Variants in SLC28A1 observed in about 807,000 individuals in gnomAD.
SLC28A1 encodes solute carrier family 28 member 1, also known as sodium/nucleoside cotransporter 1.
A neutral mutation model predicts 74.8 loss-of-function variants in SLC28A1; 64 were observed. That is an observed-to-expected ratio of 0.86 (90% CI 0.70 to 1.05). The LOEUF (loss-of-function observed/expected upper bound fraction) is 1.05, where lower values mean the gene tolerates loss of function less well. SLC28A1 is among the 50% of genes least tolerant of loss of function. The probability of loss-of-function intolerance (pLI) is 0.00; values close to 1 mark genes in which losing one functional copy is unlikely to be tolerated. For synonymous variants in SLC28A1, 359 were observed against 335.0 expected (o/e 1.07, Z -0.78); for missense variants, 828 against 822.8 (o/e 1.01, Z -0.08).
At chr15:84,912,418 G>C (rs897065676) in intron 9 of SLC28A1, among the ~76,000 whole-genome samples, 4 of 152,102 alleles carry the variant, frequency 2.6e-5, no homozygotes, top group Admixed American at 6.6e-5. Context: ...GCTCTCTTCT[G>C]GGGGGAAGTA....
At chr15:84,894,076 A>C (rs2141676335) in intron 5 of SLC28A1, among the ~76,000 whole-genome samples, 1 of 152,292 alleles carries the variant, frequency 6.6e-6, no homozygotes, top group Middle Eastern at 3.4e-3. Context: ...TCTGAAATTC[A>C]AAAGCCAGGG....
the SLC28A1 span, among the ~76,000 whole-genome samples, chr15:84,956,442 C>T: frequency 1.9e-3 from 241 of 124,464 alleles, no homozygotes; most frequent in Non-Finnish European, 2.6e-3. Context: ...TTCCTTCCTT[C>T]CTTTCTTTCT....
intron 15 of SLC28A1, among the ~76,000 whole-genome samples, chr15:84,941,828 A>G (rs1385541287): frequency 6.6e-6 from 1 of 152,176 alleles, no homozygotes; most frequent in Non-Finnish European, 1.5e-5. Flanking sequence ...AAAGGAAAGA[A>G]AGAAAAAGAA....
intron 9 of SLC28A1, among the ~76,000 whole-genome samples, chr15:84,915,278 A>T (rs1968926031): frequency 6.6e-6 from 1 of 152,294 alleles, no homozygotes; most frequent in Admixed American, 6.5e-5. Context: ...GCAAGTCCAG[A>T]TACAACCTGC....
chr15:84,931,524 C>T (rs557075030), intron 12 of SLC28A1, among the ~76,000 whole-genome samples: 15 of 149,984 alleles, frequency 1.0e-4, no homozygotes, highest in Admixed American at 4.0e-4. Flanking sequence ...TGGTGGTGGG[C>T]GCCTGTAGTC....
intron 9 of SLC28A1, among the ~76,000 whole-genome samples, chr15:84,911,535 A>C (rs1363771832): frequency 2.0e-5 from 3 of 152,144 alleles, no homozygotes; most frequent in African/African-American, 7.2e-5. Flanking sequence ...AAATACAAAA[A>C]GCACTCTGAA....
the SLC28A1 span, among the ~76,000 whole-genome samples, chr15:84,967,799 C>T: frequency 6.6e-6 from 1 of 152,150 alleles, no homozygotes; most frequent in Non-Finnish European, 1.5e-5. Flanking sequence ...GAAATACTGG[C>T]TTCAGGTGCA....
intron 9 of SLC28A1, among the ~76,000 whole-genome samples, chr15:84,910,690 T>C (rs1267412998): frequency 5.3e-5 from 8 of 152,248 alleles, no homozygotes; most frequent in Middle Eastern, 6.8e-3. Context: ...ATCATGCCAT[T>C]GCACTCCAGC....
chr15:84,933,379 G>T lies in SLC28A1; in HGVS notation c.1214+104G>T, dbSNP rs1971534050. 6.5e-6 allele frequency: 9 copies of T among 1,394,788 alleles called. No homozygotes were observed. The East Asian group carries it at 2.3e-4, about 36-fold the overall frequency. The allele number at this position is 1,394,788 out of a possible 1,614,324, so 86.4% of individuals were successfully genotyped here. A position where few individuals can be genotyped will look rare whatever the true frequency, so the allele number is the denominator to read the frequency against. Reference sequence around the variant, plus strand: ...GTCCATCACTGTCTTCCACTAGCCTGGGCCCATCTCTCCACTTTTCCTGCT... The same window carrying T: ...GTCCATCACTGTCTTCCACTAGCCTTGGCCCATCTCTCCACTTTTCCTGCT... On this transcript the variant is annotated intron_variant, in intron 13 of 18. Coordinates refer to ENST00000394573, the MANE Select transcript of SLC28A1 (RefSeq NM_004213.5).
At chr15:84,916,952 C>A (rs1052473734) in intron 9 of SLC28A1, among the ~76,000 whole-genome samples, 1 of 148,636 alleles carries the variant, frequency 6.7e-6, no homozygotes, top group Non-Finnish European at 1.5e-5. Context: ...CACTTGAACC[C>A]AGGAGGCGGA....
At chr15:84,924,916 T>C (rs1161420980) in intron 12 of SLC28A1, among the ~76,000 whole-genome samples, 3 of 150,554 alleles carry the variant, frequency 2.0e-5, no homozygotes, top group Non-Finnish European at 4.4e-5. Context: ...GTTTGTTTGT[T>C]TTTGAGACGG....
downstream of SLC28A1, among the ~76,000 whole-genome samples, chr15:84,949,854 C>G (rs1315481289): frequency 6.9e-6 from 1 of 144,406 alleles, no homozygotes; most frequent in African/African-American, 2.6e-5. Context: ...AAGGCACTAT[C>G]TCTAGGACAC....
chr15:84,969,534 CCG>C, the SLC28A1 span, among the ~76,000 whole-genome samples: 1 of 151,892 alleles, frequency 6.6e-6, no homozygotes, highest in Non-Finnish European at 1.5e-5. Flanking sequence ...ACCCTGCCCC[CCG>C]ACTCGGACTT....
intron 13 of SLC28A1, among the ~76,000 whole-genome samples, chr15:84,933,660 C>A (rs1322940832): frequency 6.6e-6 from 1 of 152,058 alleles, no homozygotes; most frequent in Non-Finnish European, 1.5e-5. Context: ...TAGCTCAGAT[C>A]TCTCTTCTTC....
At chr15:84,952,319 C>T in the SLC28A1 span, among the ~76,000 whole-genome samples, 1 of 152,162 alleles carries the variant, frequency 6.6e-6, no homozygotes, top group South Asian at 2.1e-4. Flanking sequence ...CCTATCTTTC[C>T]AAGGTGGGAC....
Position 84,920,993 on chromosome 15 carries a change from C to A in SLC28A1, c.881C>A (p.Ala294Asp). 6.2e-7 allele frequency: 1 copy of A among 1,613,316 alleles called. No individual in the cohort carries two copies. The highest frequency in any genetic ancestry group is 8.5e-7 in the Non-Finnish European group (1 of 1,179,306). Residue 294 changes from alanine to aspartate, a missense_variant, in exon 11 of 19, where the codon GCC (alanine) becomes GAC (aspartate). By Grantham distance (126) the Ala-to-Asp change is moderately radical. Coordinates refer to ENST00000394573, the MANE Select transcript of SLC28A1 (RefSeq NM_004213.5). ...GLMQWVILKI[A>D]WLMQVTMGTT... The stretch of plus-strand genomic sequence containing the variant: ...GAACATTCTGCTTCCTTCTAGATTG[C>A]CTGGCTGATGCAAGTCACCATGGGC...
intron 8 of SLC28A1, among the ~76,000 whole-genome samples, chr15:84,906,692 C>T (rs1297806767): frequency 2.0e-5 from 3 of 149,150 alleles, no homozygotes; most frequent in Non-Finnish European, 4.4e-5. Context: ...CTATGTTGCC[C>T]AGGCTGGTCT....
chr15:84,935,771 G>A (rs370543524), intron 15 of SLC28A1, among the ~76,000 whole-genome samples: 3 of 152,186 alleles, frequency 2.0e-5, no homozygotes, highest in East Asian at 3.9e-4. Context: ...GGCTCTAGAT[G>A]GGTCGTTTTT....
chr15:84,928,740 C>T (rs565427305), intron 12 of SLC28A1, among the ~76,000 whole-genome samples: 3 of 151,492 alleles, frequency 2.0e-5, no homozygotes, highest in African/African-American at 7.3e-5. Flanking sequence ...TCTCCTGCCT[C>T]AGCCTCCCAA....
Sources: allele counts gnomAD v4.1 joint callset (sites outside exome capture counted in the v4.1 genomes callset), GRCh38; gene constraint gnomAD v4.1.1; transcripts MANE v1.5; gene names NCBI Gene and HGNC (gene_info 2026-07-23, HGNC 2026-07-21).